Variants in TBCE observed in about 807,000 individuals in gnomAD.
TBCE encodes the protein tubulin-specific chaperone E.
Under a neutral mutation model 77.0 loss-of-function variants are expected in TBCE, and 53 were observed. The ratio of observed to expected loss-of-function variants is 0.69; its 90% CI spans 0.55 to 0.87. TBCE has a LOEUF of 0.87. Among genes scored for constraint, TBCE ranks in the 40% least tolerant of loss-of-function variants. The pLI, the probability that TBCE is intolerant of heterozygous loss-of-function variation, is 0.00. For synonymous variants in TBCE, 235 were observed against 241.3 expected (o/e 0.97, Z 0.24); for missense variants, 624 against 622.4 (o/e 1.00, Z -0.03).
intron 3 of TBCE, among the ~76,000 whole-genome samples, chr1:235,411,687 C>G (rs995017758): frequency 2.0e-5 from 3 of 152,158 alleles, no homozygotes; most frequent in Non-Finnish European, 4.4e-5. Context: ...CTTACAGAAA[C>G]AAATCACTGA....
chr1:235,415,190 GC>G (rs1345007132), intron 4 of TBCE: 2 of 155,518 alleles, frequency 1.3e-5, no homozygotes, highest in African/African-American at 4.8e-5. Flanking sequence ...ACAGGATCTT[GC>G]TATGTTGCCC....
At chr1:235,447,140 C>G (rs1238332662) in intron 15 of TBCE, among the ~76,000 whole-genome samples, 2 of 152,110 alleles carry the variant, frequency 1.3e-5, no homozygotes, top group Non-Finnish European at 2.9e-5. Context: ...CACATATTCA[C>G]ACATGAAAGA....
chr1:235,381,935 G>A (rs1420237675), intron 2 of TBCE, among the ~76,000 whole-genome samples: 1 of 143,176 alleles, frequency 7.0e-6, no homozygotes, highest in African/African-American at 2.6e-5. Flanking sequence ...TTTAGCATTA[G>A]GTATATCTCC....
At chr1:235,437,977 T>C (rs1681573961) in intron 12 of TBCE, among the ~76,000 whole-genome samples, 1 of 152,300 alleles carries the variant, frequency 6.6e-6, no homozygotes, top group Admixed American at 6.5e-5. Context: ...CTTAGATCAG[T>C]GCAGTATCAT....
intron 6 of TBCE, 151 bp downstream of exon 6, chr1:235,427,390 ATAG>A (rs1302348155): frequency 7.2e-6 from 5 of 697,062 alleles, no homozygotes; most frequent in Non-Finnish European, 1.0e-5. Flanking sequence ...ACTCAGGCTG[ATAG>A]TGAGGGTATG....
chr1:235,389,844 CTG>C (rs1438456630), intron 2 of TBCE, among the ~76,000 whole-genome samples: 2 of 151,428 alleles, frequency 1.3e-5, no homozygotes, highest in Non-Finnish European at 2.9e-5. Context: ...GAAATGCAGA[CTG>C]GGCGTGGTGG....
chr1:235,430,187 G>A (rs1558384201), intron 6 of TBCE: 2 of 155,136 alleles, frequency 1.3e-5, no homozygotes, highest in South Asian at 2.0e-4. Flanking sequence ...TAATAGTATC[G>A]TCTTTCAAAG....
chr1:235,410,704 TC>T (rs567974134), intron 3 of TBCE, among the ~76,000 whole-genome samples: 97 of 152,144 alleles, frequency 6.4e-4, no homozygotes, highest in African/African-American at 2.3e-3. Flanking sequence ...CTGACATATT[TC>T]CCCCCTCCCT....
At chr1:235,393,416 T>C (rs1678521583) in intron 2 of TBCE, among the ~76,000 whole-genome samples, 1 of 152,078 alleles carries the variant, frequency 6.6e-6, no homozygotes, top group Admixed American at 6.6e-5. Context: ...CACGTGCCTG[T>C]AATCCCAGCT....
chr1:235,401,685 A>G, intron 3 of TBCE, 98 bp downstream of exon 3: 1 of 1,038,556 alleles, frequency 9.6e-7, no homozygotes, highest in Non-Finnish European at 1.5e-6. Flanking sequence ...TGGCTCATGG[A>G]GTAGTTATAT....
chr1:235,368,701 G>A (rs573730252), intron 1 of TBCE, among the ~76,000 whole-genome samples: 1 of 151,738 alleles, frequency 6.6e-6, no homozygotes, highest in Admixed American at 6.6e-5. Flanking sequence ...GGGATGACAG[G>A]TGTGTGCCAC....
Position 235,427,151 on chromosome 1 carries a change from G to A in TBCE, c.472G>A (p.Val158Ile). Residue 158 changes from valine (V) to isoleucine (I), a missense_variant, in exon 6 of 17, where the codon GTA (valine) becomes ATA (isoleucine). Coordinates refer to ENST00000642610, the MANE Select transcript of TBCE (RefSeq NM_003193.5). ...VAEACPNIRK[V>I]DLSKNLLSSW... is the part of the protein sequence containing the mutation. ...ACATGTGCTTTTAGATATCAGAAAG[G>A]TAGATTTGTCAAAAAACCTGTTGTC... 1.2e-6 allele frequency: 2 copies of A among 1,612,384 alleles called. No individual in the cohort carries two copies. The highest frequency in any genetic ancestry group is 3.3e-4 in the Middle Eastern group (2 of 6,056).
Position 235,450,014 on chromosome 1 carries a change from C to T in TBCE, c.*1252C>T. 1.9e-6 allele frequency: 1 copy of T among 527,644 alleles called. No homozygotes were observed. The highest frequency in any genetic ancestry group is 4.0e-5 in the South Asian group (1 of 25,270). The allele number at this position is 527,644 out of a possible 1,614,324, so 32.7% of individuals were successfully genotyped here. A position where few individuals can be genotyped will look rare whatever the true frequency, so the allele number is the denominator to read the frequency against. On this transcript the variant is annotated 3_prime_UTR_variant, in exon 17 of 17. Coordinates refer to ENST00000642610, the MANE Select transcript of TBCE (RefSeq NM_003193.5). ...ATAAATAAAAACTTTTCTTATGCTA[C>T]AGTACAAGTTGATTTTTAAGGAAAT... is the stretch of plus-strand genomic sequence containing the variant.
chr1:235,414,855 T>A, intron 4 of TBCE: 1 of 499,790 alleles, frequency 2.0e-6, no homozygotes, highest in South Asian at 2.0e-5. Context: ...TATTGGCCCA[T>A]TATTACTATT....
rs1473694555 is a variant in TBCE at position 235,450,065 on chromosome 1, A to G, written c.*1303A>G. The G allele has an allele frequency of 2.0e-6, 2 of 1,000,690 alleles. No individual in the cohort carries two copies. The highest frequency in any genetic ancestry group is 2.9e-6 in the Non-Finnish European group (2 of 685,220). 62.0% of individuals were successfully genotyped at this position (1,000,690 alleles called of 1,614,324 possible). The stretch of plus-strand genomic sequence containing the variant: ...TTGTGCAAACATTAAGAAACACCGC[A>G]TTGGTTCTGGGTGAAAGTGCCAGTC... On this transcript the variant is annotated 3_prime_UTR_variant, in exon 17 of 17. Coordinates refer to ENST00000642610, the MANE Select transcript of TBCE (RefSeq NM_003193.5).
rs1250406620 is a variant in TBCE, at chr1:235,451,138, A to AT, written c.*2377dup. The AT allele has an allele frequency of 6.6e-6, 1 of 152,208 alleles. No individual in the cohort carries two copies. The highest frequency in any genetic ancestry group is 6.5e-5 in the Admixed American group (1 of 15,278). 9.4% of individuals were successfully genotyped at this position (152,208 alleles called of 1,614,324 possible). A position where few individuals can be genotyped will look rare whatever the true frequency, so the allele number is the denominator to read the frequency against. Reference sequence around the variant, plus strand: ...GGCCAAGCCCAGGGTCAGGAGACTAATGGGAGACTGACACAGAGCTAGGAT... The same window carrying AT: ...GGCCAAGCCCAGGGTCAGGAGACTAATTGGGAGACTGACACAGAGCTAGGAT... On this transcript the variant is annotated 3_prime_UTR_variant, in exon 17 of 17. Transcript: ENST00000642610.
At chr1:235,438,698 G>A (rs1486703153) in intron 12 of TBCE, 71 bp from the exon 13 acceptor site, 3 of 1,589,660 alleles carry the variant, frequency 1.9e-6, no homozygotes, top group African/African-American at 1.3e-5. Context: ...GGAAGGACAA[G>A]GTGCAAAACG....
At chr1:235,389,493 A>G (rs901183184) in intron 2 of TBCE, among the ~76,000 whole-genome samples, 6 of 152,018 alleles carry the variant, frequency 3.9e-5, no homozygotes, top group African/African-American at 1.4e-4. Context: ...ACACACAGCT[A>G]ATTTTTGCAT....
In TBCE at chr1:235,370,252, C is replaced by CTTT. The variant is rs534933199; in HGVS notation, c.-32+2763_-32+2765dup. Among the ~76,000 whole-genome samples, 291 of 132,852 alleles carry CTTT rather than the reference C, an allele frequency of 2.2e-3. 7 individuals are homozygous for CTTT. The highest frequency in any genetic ancestry group is 5.3e-3 in the African/African-American group (190 of 35,612). 87.2% of individuals were successfully genotyped at this position (132,852 alleles called of 152,430 possible). A position where few individuals can be genotyped will look rare whatever the true frequency, so the allele number is the denominator to read the frequency against. ...TTTCTGTTTTGTTTACTGCTGTATT[C>CTTT]TTTTTTTTTTTTTTTTTCTGAGACG... On this transcript the variant is annotated intron_variant, in intron 1 of 16. Coordinates refer to ENST00000642610, the MANE Select transcript of TBCE (RefSeq NM_003193.5).
Sources: gnomAD v4.1 joint callset for allele counts (sites outside exome capture counted in the v4.1 genomes callset) on GRCh38, gnomAD v4.1.1 for gene constraint, MANE v1.5 for transcripts, NCBI Gene and HGNC (gene_info 2026-07-23, HGNC 2026-07-21) for gene names.